Variants in ODAD2 observed in about 807,000 individuals in gnomAD.
ODAD2 encodes outer dynein arm docking complex subunit 2.
In ODAD2, 89 loss-of-function variants were observed where a neutral mutation model predicts 106.8. The observed-to-expected ratio is 0.83, with a 90% CI of 0.70 to 0.99. The LOEUF is 0.99. Among genes scored for constraint, ODAD2 ranks in the 50% least tolerant of loss-of-function variants. ODAD2 has a pLI of 0.00. For missense variants in ODAD2, 1,168 were observed against 1,238.5 expected (o/e 0.94, Z 0.85); for synonymous variants, 404 against 436.2 (o/e 0.93, Z 0.92).
chr10:27,985,262 T>A (rs1564578885), intron 3 of ODAD2, 51 bp from the exon 4 acceptor site: 1 of 1,361,234 alleles, frequency 7.3e-7, no homozygotes, highest in East Asian at 2.5e-5. Flanking sequence ...ACTTGTCTTC[T>A]AGTACAACAA....
intron 17 of ODAD2, among the ~76,000 whole-genome samples, chr10:27,900,576 G>C (rs566096410): frequency 1.3e-5 from 2 of 152,328 alleles, no homozygotes; most frequent in South Asian, 2.1e-4. Context: ...AAACAGGTTA[G>C]AGAAATTGCT....
chr10:27,965,765 A>G (rs924471601), intron 9 of ODAD2, among the ~76,000 whole-genome samples: 1 of 152,212 alleles, frequency 6.6e-6, no homozygotes. Context: ...CCATCTGCAG[A>G]TGTTTAACTT....
chr10:27,931,801 G>C (rs999697756), intron 16 of ODAD2, among the ~76,000 whole-genome samples: 1 of 149,734 alleles, frequency 6.7e-6, no homozygotes, highest in Non-Finnish European at 1.5e-5. Flanking sequence ...TTAAAGCTGA[G>C]ATACAGAATA....
intron 19 of ODAD2, among the ~76,000 whole-genome samples, chr10:27,831,629 T>C (rs1837485260): frequency 6.6e-6 from 1 of 152,244 alleles, no homozygotes; most frequent in African/African-American, 2.4e-5. Context: ...CTAGATTCCA[T>C]GCTCTTATCT....
At chr10:27,948,815 TTGGCCATTGG>T (rs1847127815) in intron 10 of ODAD2, among the ~76,000 whole-genome samples, 1 of 122,012 alleles carries the variant, frequency 8.2e-6, no homozygotes. Context: ...CAATTGACAT[TTGGCCATTGG>T]ATTTTTTTTT....
At chr10:27,966,785 T>C (rs1216588098) in intron 9 of ODAD2, among the ~76,000 whole-genome samples, 1 of 152,186 alleles carries the variant, frequency 6.6e-6, no homozygotes, top group Non-Finnish European at 1.5e-5. Flanking sequence ...TTGAAATACT[T>C]TCGGCCCAAT....
At chr10:27,940,911 C>A in intron 12 of ODAD2, 106 bp from the exon 13 acceptor site, 2 of 1,202,028 alleles carry the variant, frequency 1.7e-6, no homozygotes, top group East Asian at 2.4e-5. Context: ...CCGTCAAAAA[C>A]AAGAATGCTT....
In ODAD2 at chr10:27,944,270, AAACTTGGC is replaced by A; in HGVS notation, c.1687_1694del (p.Ala563Ter). 6.2e-7 allele frequency: 1 copy of A among 1,613,912 alleles called. No individual in the cohort carries two copies. The highest frequency in any genetic ancestry group is 1.1e-5 in the South Asian group (1 of 91,062). ...GCCTCACCACCCGCCGTGCTCTTTT[AAACTTGGC>A]AACATTCGCGATAGTCTCGGCTGCC... is the stretch of plus-strand genomic sequence containing the variant. On this transcript the variant is annotated frameshift_variant, in exon 12 of 20. Transcript: ENST00000305242. LOFTEE classifies it high-confidence loss of function.
intron 16 of ODAD2, among the ~76,000 whole-genome samples, chr10:27,923,886 C>T (rs1844965607): frequency 6.7e-6 from 1 of 148,588 alleles, no homozygotes; most frequent in Non-Finnish European, 1.5e-5. Flanking sequence ...GAGTCCAAGG[C>T]TGCAGTAAGC....
At chr10:27,964,399 T>G (rs1848356799) in intron 9 of ODAD2, among the ~76,000 whole-genome samples, 1 of 152,178 alleles carries the variant, frequency 6.6e-6, no homozygotes, top group South Asian at 2.1e-4. Context: ...GCAATTAGTA[T>G]GTAAAAAGCT....
At position 27,985,182 on chromosome 10, in the gene ODAD2, C is replaced by A; in HGVS notation, c.412G>T (p.Gly138Cys). ...ANRDPIVKIL[G>C]SDYNTMKENS... ...TCTTTCATTGTATTATAATCAGAGC[C>A]CAGGATTTTTACTATGGGGTCTCTG... The change falls in exon 4 of 20, where the codon GGC becomes TGC. Residue 138 changes from glycine to cysteine, a missense_variant. By Grantham distance (159) the Gly-to-Cys change is radical. Transcript: ENST00000305242. 1 of 1,571,508 alleles carries A rather than the reference C, an allele frequency of 6.4e-7. No individual in the cohort carries two copies. The highest frequency in any genetic ancestry group is 8.6e-7 in the Non-Finnish European group (1 of 1,158,222).
chr10:27,887,397 C>T (rs1374104126), intron 17 of ODAD2, among the ~76,000 whole-genome samples: 1 of 151,844 alleles, frequency 6.6e-6, no homozygotes, highest in Non-Finnish European at 1.5e-5. Context: ...CTTCAATATC[C>T]CATTTCCCAT....
chr10:27,924,015 AAAGAAAGAAGG>A (rs1564509394), intron 16 of ODAD2, among the ~76,000 whole-genome samples: 6 of 145,854 alleles, frequency 4.1e-5, no homozygotes, highest in South Asian at 2.1e-4. Context: ...AGAAAGAAAG[AAAGAAAGAAGG>A]AAAGAGAAAG....
At chr10:27,908,455 G>T (rs1229688005) in intron 16 of ODAD2, among the ~76,000 whole-genome samples, 2 of 152,134 alleles carry the variant, frequency 1.3e-5, no homozygotes, top group Non-Finnish European at 2.9e-5. Flanking sequence ...ATATCAATCA[G>T]TCCAGGAGCA....
At chr10:27,963,802 T>A (rs1848312673) in intron 9 of ODAD2, among the ~76,000 whole-genome samples, 1 of 127,600 alleles carries the variant, frequency 7.8e-6, no homozygotes, top group African/African-American at 2.5e-5. Flanking sequence ...TTGAAGTGAG[T>A]TTTTTAGACC....
intron 17 of ODAD2, among the ~76,000 whole-genome samples, chr10:27,893,838 T>C (rs2133733388): frequency 6.6e-6 from 1 of 152,298 alleles, no homozygotes; most frequent in Non-Finnish European, 1.5e-5. Context: ...CCATCCCTAC[T>C]GTCCCTCAGA....
intron 18 of ODAD2, among the ~76,000 whole-genome samples, 179 bp from the exon 19 acceptor site, chr10:27,861,025 T>C (rs753958229): frequency 2.6e-5 from 4 of 152,176 alleles, no homozygotes; most frequent in Admixed American, 6.5e-5. Flanking sequence ...GGAGTCTCAC[T>C]CTGTTGCCCA....
intron 17 of ODAD2, among the ~76,000 whole-genome samples, chr10:27,892,231 G>T (rs543452839): frequency 2.0e-5 from 3 of 150,970 alleles, no homozygotes; most frequent in Admixed American, 1.3e-4. Context: ...TAGGAAAAAA[G>T]AACTTTTCTT....
At chr10:27,867,813 G>A (rs1019056376) in intron 17 of ODAD2, among the ~76,000 whole-genome samples, 9 of 152,028 alleles carry the variant, frequency 5.9e-5, no homozygotes, top group African/African-American at 9.7e-5. Context: ...GCTGGGCATG[G>A]TGGCGTGAAC....
Sources: allele counts gnomAD v4.1 joint callset (sites outside exome capture counted in the v4.1 genomes callset), GRCh38; gene constraint gnomAD v4.1.1; transcripts MANE v1.5; gene names NCBI Gene and HGNC (gene_info 2026-07-23, HGNC 2026-07-21).